The following VPS18 variants were observed in gnomAD, a reference collection of about 807,000 sequenced individuals.
VPS18 encodes the protein vacuolar protein sorting-associated protein 18 homolog.
In VPS18, 25 loss-of-function variants were observed where a neutral mutation model predicts 82.0. That is an observed-to-expected ratio of 0.30 (90% CI 0.22 to 0.43). The LOEUF (loss-of-function observed/expected upper bound fraction) is 0.43. Ranked by LOEUF, VPS18 falls within the 20% of genes least tolerant of loss-of-function variation. VPS18 has a pLI of 1.00. For missense variants in VPS18, 1,168 were observed against 1,311.1 expected, an observed-to-expected ratio of 0.89 and a Z score of 1.69; for synonymous variants, 523 against 543.0, an observed-to-expected ratio of 0.96 and a Z score of 0.51.
In VPS18 at chr15:40,899,138, C is replaced by G; in HGVS notation, c.326-6C>G. On this transcript the variant is annotated splice_polypyrimidine_tract_variant and splice_region_variant and intron_variant, in intron 3 of 4. Coordinates refer to ENST00000220509, the MANE Select transcript of VPS18 (RefSeq NM_020857.3). The surrounding 1 kb of genome is among the most constrained non-coding windows in gnomAD (Gnocchi z 4.4). Reference sequence around the variant, plus strand: ...CCACTGGGGCGCCATGCTCTCCCCACTCCAGGCTCTCACCTGCTGATTGCC... The same window carrying G: ...CCACTGGGGCGCCATGCTCTCCCCAGTCCAGGCTCTCACCTGCTGATTGCC... The G allele has an allele frequency of 6.2e-7, 1 of 1,610,276 alleles. No individual in the cohort carries two copies. The highest frequency in any genetic ancestry group is 8.5e-7 in the Non-Finnish European group (1 of 1,177,100).
intron 4 of VPS18, 44 bp downstream of exon 4, chr15:40,901,058 G>A: frequency 6.4e-7 from 1 of 1,569,962 alleles, no homozygotes. Flanking sequence ...GGGACCCAAA[G>A]AGCAGTAGCT....
chr15:40,900,520 C>T lies in VPS18; in HGVS notation c.1702C>T (p.Arg568Trp), dbSNP rs1441964993. 4 of 1,614,068 alleles carry T rather than the reference C, an allele frequency of 2.5e-6. No individual in the cohort carries two copies. The highest frequency in any genetic ancestry group is 1.1e-5 in the South Asian group (1 of 91,090). Residue 568 changes from arginine to tryptophan, a missense_variant, in exon 4 of 5, where the codon CGG (arginine) becomes TGG (tryptophan). By Grantham distance (101) the Arg-to-Trp change is moderately radical. Coordinates refer to ENST00000220509, the MANE Select transcript of VPS18 (RefSeq NM_020857.3). This position sits in a 1 kb window ranked among gnomAD's most constrained non-coding sequence, Gnocchi z 5.4. Reference sequence around the variant, plus strand: ...TGCAGTGATCATGCAGGACTATGAGCGGGTGGTGGCTTACCACTGTCAGCA... The same window carrying T: ...TGCAGTGATCATGCAGGACTATGAGTGGGTGGTGGCTTACCACTGTCAGCA... Reference protein sequence around the residue: ...YFAVIMQDYERVVAYHCQHEA... With the variant: ...YFAVIMQDYEWVVAYHCQHEA...
In VPS18 at chr15:40,903,823, G is replaced by A. The variant is rs1455142457; in HGVS notation, c.*482G>A. On this transcript the variant is annotated 3_prime_UTR_variant, in exon 5 of 5. Coordinates refer to ENST00000220509, the MANE Select transcript of VPS18 (RefSeq NM_020857.3). ...GTGAGAAGGCAGCCTTCGAAGTCCT[G>A]GGCATTGGGTGAGAAAGTGATGCTA... is the stretch of plus-strand genomic sequence containing the variant. 1 of 153,946 alleles carries A rather than the reference G, an allele frequency of 6.5e-6. No individual in the cohort carries two copies. Among genetic ancestry groups the A allele is most frequent in the Non-Finnish European group, 1.4e-5 (1 of 69,240 alleles). The allele number at this position is 153,946 out of a possible 1,614,324, so 9.5% of individuals were successfully genotyped here. A position where few individuals can be genotyped will look rare whatever the true frequency, so the allele number is the denominator to read the frequency against.
chr15:40,894,857 C>T lies in VPS18; in HGVS notation c.89C>T (p.Ser30Leu). The T allele has an allele frequency of 6.4e-7, 1 of 1,551,486 alleles. No individual in the cohort carries two copies. Among genetic ancestry groups the T allele is most frequent in the Non-Finnish European group, 8.7e-7 (1 of 1,147,944 alleles). The change falls in exon 1 of 5, where the codon TCG becomes TTG. Residue 30 changes from serine to leucine, a missense_variant and splice_region_variant. By Grantham distance (145) the Ser-to-Leu change is moderately radical (BLOSUM62 -2). This residue lies in a region of VPS18 where 868 missense variants were observed against 939.8 expected (regional missense o/e 0.92). Transcript: ENST00000220509. The part of the protein sequence containing the change: ...PGCPSVGIPH[S>L]GYVNAQLEKE... ...TGCCCTAGCGTGGGCATCCCCCACT[C>T]GGGTAAGGAAGAGGAGGGTGCCGCT... is the stretch of plus-strand genomic sequence containing the variant.
In VPS18 at chr15:40,899,397, G is replaced by C. The variant is rs1035044213; in HGVS notation, c.579G>C (p.Leu193Phe). ...GPAPDLYFRP[L>F]YVLNEEGGPA... ...CTCCGGATCTCTACTTCCGCCCATT[G>C]TACGTGCTAAATGAAGAAGGGGGTC... Residue 193 changes from leucine to phenylalanine, a missense_variant, in exon 4 of 5, where the codon TTG (leucine) becomes TTC (phenylalanine). Physicochemically the swap from Leu to Phe is conservative, Grantham distance 22 (BLOSUM62 0). Transcript: ENST00000220509. This position sits in a 1 kb window ranked among gnomAD's most constrained non-coding sequence, Gnocchi z 4.4. 1 of 1,606,640 alleles carries C rather than the reference G, an allele frequency of 6.2e-7. No individual in the cohort carries two copies. Among genetic ancestry groups the C allele is most frequent in the Non-Finnish European group, 8.5e-7 (1 of 1,174,300 alleles).
Position 40,900,860 on chromosome 15 carries a change from C to A in VPS18, c.2042C>A (p.Ala681Asp), listed in dbSNP as rs753935839. The A allele has an allele frequency of 3.2e-5, 52 of 1,614,160 alleles. No homozygotes were observed. Among genetic ancestry groups the A allele is most frequent in the Non-Finnish European group, 4.2e-5 (49 of 1,180,042 alleles). The change falls in exon 4 of 5, where the codon GCC becomes GAC. Residue 681 changes from alanine to aspartate, a missense_variant. By Grantham distance (126) the Ala-to-Asp change is moderately radical. Around this residue, in one of 3 missense-constraint regions of VPS18, gnomAD observed 868 missense variants for 939.8 expected, o/e 0.92. Transcript: ENST00000220509. This position sits in a 1 kb window ranked among gnomAD's most constrained non-coding sequence, Gnocchi z 5.4. ...CGTGGCCGGCCGGACTCACTACTGG[C>A]CTATCTGGAGCAGGCTGGGGCCAGC... is the stretch of plus-strand genomic sequence containing the variant. ...YARGRPDSLL[A>D]YLEQAGASPH...
In VPS18 at chr15:40,900,388, C is replaced by T. The variant is rs1165530612; in HGVS notation, c.1570C>T (p.Arg524Ter). The T allele has an allele frequency of 1.2e-6, 2 of 1,613,718 alleles. No individual in the cohort carries two copies. Among genetic ancestry groups the T allele is most frequent in the Non-Finnish European group, 8.5e-7 (1 of 1,180,006 alleles). The stretch of plus-strand genomic sequence containing the variant: ...CTACCGAGAAACCAAGGAATGCTTT[C>T]GAACCTTCCTCAGCAGCCCCCGCCA... ...TLYRETKECFRTFLSSPRHKE... is the reference protein window; with the variant it reads ...TLYRETKECF The change falls in exon 4 of 5, where the codon CGA becomes TGA. Residue 524 changes from arginine (R) to a stop codon, truncating the protein, a stop_gained. Transcript: ENST00000220509. LOFTEE classifies it high-confidence loss of function. This position sits in a 1 kb window ranked among gnomAD's most constrained non-coding sequence, Gnocchi z 5.4.
Position 40,899,615 on chromosome 15 carries a change from G to A in VPS18, c.797G>A (p.Gly266Asp), listed in dbSNP as rs2142037841. The A allele has an allele frequency of 6.2e-7, 1 of 1,610,964 alleles. No homozygotes were observed. The highest frequency in any genetic ancestry group is 1.6e-4 in the Middle Eastern group (1 of 6,062). ...TTCCGTGAGTTTCCCAGCAACCTGG[G>A]CTACAGTGAGTTGGCCTTCTACACC... is the stretch of plus-strand genomic sequence containing the variant. ...PPFREFPSNL[G>D]YSELAFYTPK... Residue 266 changes from glycine (G) to aspartate (D), a missense_variant, in exon 4 of 5, where the codon GGC becomes GAC. By Grantham distance (94) the Gly-to-Asp change is moderately conservative. Coordinates refer to ENST00000220509, the MANE Select transcript of VPS18 (RefSeq NM_020857.3). The surrounding 1 kb of genome is among the most constrained non-coding windows in gnomAD (Gnocchi z 4.4).
At position 40,899,538 on chromosome 15, in the gene VPS18, G is replaced by A. The variant is rs145909863; in HGVS notation, c.720G>A (p.Glu240=). The A allele has an allele frequency of 1.1e-4, 174 of 1,609,506 alleles. 1 individual carries two copies. The African/African-American group carries it at 2.1e-3, about 19-fold the overall frequency. Reference sequence around the variant, plus strand: ...TAGGCCGAGCAGCAGAGGGGGCTGAGGCCCAGGGTTTCTCAGGGCTCTTTG... The same window carrying A: ...TAGGCCGAGCAGCAGAGGGGGCTGAAGCCCAGGGTTTCTCAGGGCTCTTTG... ...QFIGRAAEGA[E]AQGFSGLFAA... is the part of the protein sequence containing the mutation. Residue 240 remains glutamate, a synonymous_variant, in exon 4 of 5, where the codon GAG becomes GAA. Transcript: ENST00000220509. This position sits in a 1 kb window ranked among gnomAD's most constrained non-coding sequence, Gnocchi z 4.4.
Position 40,897,250 on chromosome 15 carries a change from A to G in VPS18, c.233+1171A>G, listed in dbSNP as rs116994063. 3.5e-4 allele frequency among the ~76,000 whole-genome samples: 54 copies of G among 152,132 alleles called. No homozygotes were observed. In the East Asian group the frequency reaches 9.5e-3, roughly 27 times the overall value. ...GCAGAGGTTGCAGTGAGCCGAGATC[A>G]TGCTCACTGCACTCCAGCCTGGATG... On this transcript the variant is annotated intron_variant, in intron 2 of 4. Transcript: ENST00000220509.
rs1416932534 is a variant in VPS18 at position 40,902,963 on chromosome 15, G to A, written c.2544G>A (p.Glu848=). 2.5e-6 allele frequency: 4 copies of A among 1,614,268 alleles called. No individual in the cohort carries two copies. The East Asian group carries it at 8.9e-5, about 36-fold the overall frequency. The change falls in exon 5 of 5, where the codon GAG becomes GAA. Residue 848 remains glutamate, a synonymous_variant. Transcript: ENST00000220509. The surrounding 1 kb of genome is among the most constrained non-coding windows in gnomAD (Gnocchi z 4.2). ...TGCGGGGCCGCTACGGCACTGTGGA[G>A]CCCCAGGACAAATGTGCCACCTGCG... ...QELRGRYGTV[E]PQDKCATCDF... is the part of the protein sequence containing the mutation.
At chr15:40,897,752 C>T in intron 2 of VPS18, among the ~76,000 whole-genome samples, 1 of 152,148 alleles carries the variant, frequency 6.6e-6, no homozygotes, top group East Asian at 1.9e-4. Context: ...TAACTATGAG[C>T]TACTCTTTGT....
intron 2 of VPS18, among the ~76,000 whole-genome samples, chr15:40,897,654 A>G (rs1892252062): frequency 1.3e-5 from 2 of 152,226 alleles, no homozygotes; most frequent in African/African-American, 4.8e-5. Context: ...AAACAGGAGT[A>G]CTTCTCAAGG....
At position 40,902,067 on chromosome 15, in the gene VPS18, G is replaced by A. The variant is rs922754280; in HGVS notation, c.2197-549G>A. ...GTCTGGGGGCAGGGCTCAAAAATTT[G>A]TATTTTGAATATGTTTCCCAGGTGA... On this transcript the variant is annotated intron_variant, in intron 4 of 4. Transcript: ENST00000220509. This position sits in a 1 kb window ranked among gnomAD's most constrained non-coding sequence, Gnocchi z 4.2. 6.6e-6 allele frequency among the ~76,000 whole-genome samples: 1 copy of A among 151,228 alleles called. No individual in the cohort carries two copies. Among genetic ancestry groups the A allele is most frequent in the Non-Finnish European group, 1.5e-5 (1 of 67,736 alleles).
chr15:40,903,152 C>T lies in VPS18; in HGVS notation c.2733C>T (p.Gly911=). The change falls in exon 5 of 5, where the codon GGC becomes GGT. Residue 911 remains glycine (G), a synonymous_variant. Transcript: ENST00000220509. ...GGGCTGCTCCACCCCCAGCCAAGGG[C>T]TCTGCCCGGGCCAAGGAGGCCGAGG... ...KLGAAPPPAK[G]SARAKEAEGG... 4 of 1,606,674 alleles carry T rather than the reference C, an allele frequency of 2.5e-6. No individual in the cohort carries two copies. Among genetic ancestry groups the T allele is most frequent in the Non-Finnish European group, 3.4e-6 (4 of 1,176,362 alleles).
At chr15:40,896,274 C>T (rs1892227818) in intron 2 of VPS18, among the ~76,000 whole-genome samples, 195 bp downstream of exon 2, 1 of 152,190 alleles carries the variant, frequency 6.6e-6, no homozygotes, top group African/African-American at 2.4e-5. Context: ...CATGGTGGCT[C>T]ACACCTATCA....
chr15:40,900,545 A>G lies in VPS18; in HGVS notation c.1727A>G (p.His576Arg). ...CGGGTGGTGGCTTACCACTGTCAGC[A>G]CGAGGCCTACGAGGAGGCCCTGGCC... ...YERVVAYHCQHEAYEEALAVL... is the reference protein window; with the variant it reads ...YERVVAYHCQREAYEEALAVL... The change falls in exon 4 of 5, where the codon CAC (histidine) becomes CGC (arginine). Residue 576 changes from histidine to arginine, a missense_variant. Physicochemically the swap from His to Arg is conservative, Grantham distance 29. Coordinates refer to ENST00000220509, the MANE Select transcript of VPS18 (RefSeq NM_020857.3). This position sits in a 1 kb window ranked among gnomAD's most constrained non-coding sequence, Gnocchi z 5.4. 1.2e-6 allele frequency: 2 copies of G among 1,613,988 alleles called. No individual in the cohort carries two copies. Among genetic ancestry groups the G allele is most frequent in the Non-Finnish European group, 1.7e-6 (2 of 1,180,030 alleles).
chr15:40,901,687 C>T (rs1596179002), intron 4 of VPS18, among the ~76,000 whole-genome samples: 1 of 151,918 alleles, frequency 6.6e-6, no homozygotes, highest in Non-Finnish European at 1.5e-5. Flanking sequence ...GGGTGGATCA[C>T]CTGAGGTCAG....
At chr15:40,901,970 G>A (rs578214111) in intron 4 of VPS18, among the ~76,000 whole-genome samples, 1 of 151,836 alleles carries the variant, frequency 6.6e-6, no homozygotes, top group Non-Finnish European at 1.5e-5. Flanking sequence ...GAAGAGGAGG[G>A]TGCTGCATCG....
Sources: allele counts gnomAD v4.1 joint callset (sites outside exome capture counted in the v4.1 genomes callset), GRCh38; gene constraint gnomAD v4.1.1; regional missense constraint gnomAD v4.1.1; non-coding constraint Gnocchi (gnomAD v3.1); transcripts MANE v1.5; gene names NCBI Gene and HGNC (gene_info 2026-07-23, HGNC 2026-07-21).